ADAMTS13: variants seen among roughly 807,000 people sequenced by gnomAD.
The protein encoded by ADAMTS13 is A disintegrin and metalloproteinase with thrombospondin motifs 13.
A neutral mutation model predicts 155.1 loss-of-function variants in ADAMTS13; 110 were observed. The ratio of observed to expected loss-of-function variants is 0.71; its 90% CI spans 0.61 to 0.83. ADAMTS13 has a LOEUF of 0.83. Among genes scored for constraint, ADAMTS13 ranks in the 40% least tolerant of loss-of-function variants. The pLI is 0.00. For missense variants in ADAMTS13, 1,707 were observed against 1,891.7 expected (o/e 0.90, Z 1.81); for synonymous variants, 758 against 756.4 (o/e 1.00, Z -0.03).
At chr9:133,428,986 G>A (rs1187989525) in intron 7 of ADAMTS13, among the ~76,000 whole-genome samples, 1 of 118,206 alleles carries the variant, frequency 8.5e-6, no homozygotes, top group Non-Finnish European at 1.7e-5. Context: ...TGGGCCGCCC[G>A]CGCCACCCCT....
chr9:133,449,718 AC>A, intron 22 of ADAMTS13, 64 bp from the exon 23 acceptor site: 1 of 1,566,610 alleles, frequency 6.4e-7, no homozygotes, highest in Non-Finnish European at 8.8e-7. Context: ...TGAAGGGGAG[AC>A]CTGGCTCCCC....
Position 133,433,400 on chromosome 9 carries a change from G to A in ADAMTS13, c.1115G>A (p.Arg372His), listed in dbSNP as rs782091585. 6 of 1,612,964 alleles carry A rather than the reference G, an allele frequency of 3.7e-6. No individual in the cohort carries two copies. In the Admixed American group the frequency reaches 6.7e-5, roughly 18 times the overall value. ...CAGTGGTGCTCCAAGGGTCGCTGCCGCTCCCTGGTGGAGCTGACCCCCATA... is the reference window on the plus strand; with the variant it reads ...CAGTGGTGCTCCAAGGGTCGCTGCCACTCCCTGGTGGAGCTGACCCCCATA... ...VEKWCSKGRCRSLVELTPIAA... is the reference protein window; with the variant it reads ...VEKWCSKGRCHSLVELTPIAA... The change falls in exon 10 of 29, where the codon CGC becomes CAC. Residue 372 changes from arginine to histidine, a missense_variant. By Grantham distance (29) the Arg-to-His change is conservative. This residue lies in a region of ADAMTS13 where 733 missense variants were observed against 749.6 expected (regional missense o/e 0.98). Transcript: ENST00000355699.
Position 133,428,759 on chromosome 9 carries a change from T to C in ADAMTS13, c.812T>C (p.Leu271Pro). The change falls in exon 7 of 29, where the codon CTG becomes CCG. Residue 271 changes from leucine (L) to proline (P), a missense_variant. Physicochemically the swap from Leu to Pro is moderately conservative, Grantham distance 98. Coordinates refer to ENST00000355699, the MANE Select transcript of ADAMTS13 (RefSeq NM_139027.6). ...AWSPCSRRQL[L>P]SLLSAGRARC... ...TCCCCCTGCAGCCGCCGGCAGCTGC[T>C]GAGCCTGCTCAGGTAGCGGCCGCCC... The C allele has an allele frequency of 7.4e-7, 1 of 1,351,406 alleles. No individual in the cohort carries two copies. Among genetic ancestry groups the C allele is most frequent in the Admixed American group, 2.8e-5 (1 of 35,220 alleles). The allele number at this position is 1,351,406 out of a possible 1,614,324, so 83.7% of individuals were successfully genotyped here. A position where few individuals can be genotyped will look rare whatever the true frequency, so the allele number is the denominator to read the frequency against.
intron 24 of ADAMTS13, among the ~76,000 whole-genome samples, 158 bp downstream of exon 24, chr9:133,454,777 A>G (rs1842642270): frequency 6.6e-6 from 1 of 152,108 alleles, no homozygotes; most frequent in Non-Finnish European, 1.5e-5. Context: ...AGAGGCAGAG[A>G]GACAGAGGGC....
chr9:133,426,136 A>T (rs782524019), intron 5 of ADAMTS13, 63 bp from the exon 6 acceptor site: 2 of 1,613,952 alleles, frequency 1.2e-6, no homozygotes, highest in Non-Finnish European at 1.7e-6. Context: ...GCCCTCTGCA[A>T]AGGTGACCCC....
exon 1 of ADAMTS13, chr9:133,414,384 T>C: frequency 1.6e-6 from 1 of 639,300 alleles, no homozygotes; most frequent in East Asian, 3.2e-5. Flanking sequence ...GGGACAGGCC[T>C]CATACTTGGG....
intron 23 of ADAMTS13, among the ~76,000 whole-genome samples, chr9:133,451,192 G>C (rs1259637858): frequency 6.6e-6 from 1 of 152,208 alleles, no homozygotes; most frequent in Non-Finnish European, 1.5e-5. Context: ...TAACAGACAT[G>C]TATGTTCCAG....
upstream of ADAMTS13, chr9:133,417,656 T>C (rs373349579): frequency 5.2e-5 from 84 of 1,614,068 alleles, no homozygotes; most frequent in East Asian, 1.2e-3. Flanking sequence ...AAAAGTCTTC[T>C]GGTGCCTTTG....
intron 8 of ADAMTS13, among the ~76,000 whole-genome samples, chr9:133,430,533 A>C (rs1180688914): frequency 6.6e-6 from 1 of 152,204 alleles, no homozygotes; most frequent in East Asian, 1.9e-4. Flanking sequence ...ACCCCAAAAG[A>C]CAGACTTCCT....
chr9:133,448,696 G>A lies in ADAMTS13; in HGVS notation c.2829G>A (p.Arg943=), dbSNP rs1554793340. 1 of 1,604,438 alleles carries A rather than the reference G, an allele frequency of 6.2e-7. No homozygotes were observed. The highest frequency in any genetic ancestry group is 2.2e-5 in the East Asian group (1 of 44,876). Residue 943 remains arginine (R), a synonymous_variant, in exon 22 of 29, where the codon CGG becomes CGA. Transcript: ENST00000355699. ...TGGCAAGCAAGCCTGGGAGCCGGCG[G>A]GAGGTCTGCCAGGCTGTCCCGTGCC... The part of the protein sequence containing the change: ...CGLASKPGSR[R]EVCQAVPCPA...
chr9:133,436,945 A>T lies in ADAMTS13; in HGVS notation c.1425A>T (p.Pro475=). ...ASFYHWGAAV[P]HSQGDALCRH... is the part of the protein sequence containing the mutation. ...TCTACCACTGGGGTGCTGCTGTACC[A>T]CACAGCCAAGGTGGGGCCTGCGGAG... Residue 475 remains proline, a synonymous_variant, in exon 12 of 29, where the codon CCA becomes CCT. Coordinates refer to ENST00000355699, the MANE Select transcript of ADAMTS13 (RefSeq NM_139027.6). 6.3e-7 allele frequency: 1 copy of T among 1,596,160 alleles called. No homozygotes were observed. Among genetic ancestry groups the T allele is most frequent in the Non-Finnish European group, 8.5e-7 (1 of 1,172,882 alleles).
Position 133,443,823 on chromosome 9 carries a change from A to AG in ADAMTS13, c.2420+269dup, listed in dbSNP as rs587711794. On this transcript the variant is annotated intron_variant, in intron 19 of 28. Transcript: ENST00000355699. The stretch of plus-strand genomic sequence containing the variant: ...AATGGGGATGCCGACCTGCCTGGGG[A>AG]GGGGGGGCTTCGAGGATGAGGTCAA... Among the ~76,000 whole-genome samples the AG allele has an allele frequency of 1.3e-4, 19 of 151,868 alleles. No homozygotes were observed. The East Asian group carries it at 1.9e-3, about 16-fold the overall frequency.
upstream of ADAMTS13, chr9:133,417,619 C>G: frequency 6.2e-7 from 1 of 1,613,426 alleles, no homozygotes; most frequent in Non-Finnish European, 8.5e-7. Context: ...TCAAGCCTCA[C>G]CTCTTGCAGC....
In ADAMTS13 at chr9:133,445,178, T is replaced by A; in HGVS notation, c.2610+126T>A. The A allele has an allele frequency of 8.9e-7, 1 of 1,124,664 alleles. No homozygotes were observed. Among genetic ancestry groups the A allele is most frequent in the Non-Finnish European group, 1.3e-6 (1 of 785,298 alleles). 69.7% of individuals were successfully genotyped at this position (1,124,664 alleles called of 1,614,324 possible). On this transcript the variant is annotated intron_variant, in intron 20 of 28. Coordinates refer to ENST00000355699, the MANE Select transcript of ADAMTS13 (RefSeq NM_139027.6). This position sits in a 1 kb window ranked among gnomAD's most constrained non-coding sequence, Gnocchi z 5.0. ...GAACACCATCCTTCTGTGGGAATGC[T>A]GTCTGAGGGCCACCCCTGCTCAGAA... is the stretch of plus-strand genomic sequence containing the variant.
Position 133,426,211 on chromosome 9 carries a change from G to A in ADAMTS13, c.552G>A (p.Glu184=), listed in dbSNP as rs782652490. 8 of 1,613,792 alleles carry A rather than the reference G, an allele frequency of 5.0e-6. No individual in the cohort carries two copies. The African/African-American group carries it at 5.3e-5, about 11-fold the overall frequency. ...TTCTCTCACCGAGGTTTGACCTGGA[G>A]TTGCCTGATGGTAACCGGCAGGTGC... is the stretch of plus-strand genomic sequence containing the variant. ...LVLYITRFDL[E]LPDGNRQVRG... is the part of the protein sequence containing the mutation. Residue 184 remains glutamate, a synonymous_variant, in exon 6 of 29, where the codon GAG becomes GAA. Transcript: ENST00000355699.
At chr9:133,436,993 G>A (rs1554789291) in intron 12 of ADAMTS13, 38 bp downstream of exon 12, 2 of 1,581,642 alleles carry the variant, frequency 1.3e-6, no homozygotes, top group South Asian at 2.3e-5. Context: ...GGAGGAGCCA[G>A]CCCTGGAGAC....
Position 133,454,618 on chromosome 9 carries a change from A to T in ADAMTS13, c.3248A>T (p.Glu1083Val). The stretch of plus-strand genomic sequence containing the variant: ...CGCTGGCATGTTGGCACCTGGATGG[A>T]GGTGAGCACAGCGGGCACTCGGAAT... Reference protein sequence around the residue: ...TYRWHVGTWMECSVSCGDGIQ... With the variant: ...TYRWHVGTWMVCSVSCGDGIQ... Residue 1083 changes from glutamate (E) to valine (V), a missense_variant and splice_region_variant, in exon 24 of 29, where the codon GAG becomes GTG. This residue lies in a region of ADAMTS13 where 961 missense variants were observed against 1,107.9 expected (regional missense o/e 0.87). Coordinates refer to ENST00000355699, the MANE Select transcript of ADAMTS13 (RefSeq NM_139027.6). The T allele has an allele frequency of 6.3e-7, 1 of 1,597,456 alleles. No individual in the cohort carries two copies. The highest frequency in any genetic ancestry group is 8.5e-7 in the Non-Finnish European group (1 of 1,177,700).
chr9:133,438,016 T>A, intron 13 of ADAMTS13, 119 bp downstream of exon 13: 1 of 1,561,788 alleles, frequency 6.4e-7, no homozygotes, highest in Non-Finnish European at 8.7e-7. Flanking sequence ...TGCAGGGGAG[T>A]GGTGCTGGGG....
intron 1 of ADAMTS13, among the ~76,000 whole-genome samples, chr9:133,416,730 G>A (rs587643623): frequency 6.6e-6 from 1 of 152,206 alleles, no homozygotes; most frequent in Non-Finnish European, 1.5e-5. Context: ...CAGCCACCTG[G>A]TTCCCAGCCG....
Sources: allele counts gnomAD v4.1 joint callset (sites outside exome capture counted in the v4.1 genomes callset), GRCh38; gene constraint gnomAD v4.1.1; regional missense constraint gnomAD v4.1.1; non-coding constraint Gnocchi (gnomAD v3.1); transcripts MANE v1.5; gene names NCBI Gene and HGNC (gene_info 2026-07-23, HGNC 2026-07-21).